Variants in LIMS1 observed in about 807,000 individuals in gnomAD.
LIMS1 encodes the protein LIM and senescent cell antigen-like-containing domain protein 1.
In LIMS1, 18 loss-of-function variants were observed where a neutral mutation model predicts 44.1. The observed-to-expected ratio is 0.41, with a 90% confidence interval of 0.28 to 0.61. LIMS1 has a LOEUF of 0.61. Among genes scored for constraint, LIMS1 ranks in the 20% least tolerant of loss-of-function variants. LIMS1 has a pLI of 0.32. For missense variants in LIMS1, 201 were observed against 422.0 expected (o/e 0.48, Z 4.59); for synonymous variants, 93 against 149.1 (o/e 0.62, Z 2.74).
intron 1 of LIMS1, among the ~76,000 whole-genome samples, chr2:108,589,196 C>A (rs1228559975): frequency 2.0e-5 from 3 of 151,116 alleles, no homozygotes; most frequent in Non-Finnish European, 3.0e-5. Context: ...AAAAAAAAAA[C>A]TGGTCATTTT....
chr2:108,583,851 C>T (rs562425686), intron 1 of LIMS1, among the ~76,000 whole-genome samples: 4 of 152,064 alleles, frequency 2.6e-5, no homozygotes, highest in East Asian at 1.9e-4. Flanking sequence ...CCCACCACCA[C>T]GCCTGGCTAA....
chr2:108,653,155 A>G (rs1467813373), intron 1 of LIMS1, among the ~76,000 whole-genome samples: 1 of 150,776 alleles, frequency 6.6e-6, no homozygotes. Flanking sequence ...TCTGGTACCC[A>G]CTCCCTCATC....
In LIMS1 at chr2:108,563,761, A is replaced by G. The variant is rs187095569; in HGVS notation, c.32+29167A>G. ...GCAGGGTTTGAGAGAATTGACTTCA[A>G]TTTCGAATGTTCTAGTGGCCAGGCG... On this transcript the variant is annotated intron_variant, in intron 1 of 9. Coordinates refer to ENST00000544547, the Ensembl canonical transcript of LIMS1. Among the ~76,000 whole-genome samples, 10 of 152,288 alleles carry G rather than the reference A, an allele frequency of 6.6e-5. No individual in the cohort carries two copies. The East Asian group carries it at 1.9e-3, about 29-fold the overall frequency.
chr2:108,568,185 A>G (rs1685360597), intron 1 of LIMS1, among the ~76,000 whole-genome samples: 1 of 152,236 alleles, frequency 6.6e-6, no homozygotes, highest in Non-Finnish European at 1.5e-5. Context: ...AATTGGTTTC[A>G]TTATATGTCC....
chr2:108,541,603 A>T (rs1428438852), intron 1 of LIMS1, among the ~76,000 whole-genome samples: 1 of 152,212 alleles, frequency 6.6e-6, no homozygotes, highest in Admixed American at 6.5e-5. Context: ...CTGGAATTTA[A>T]GGCTGTTTGT....
chr2:108,575,018 TA>T (rs559425100), intron 1 of LIMS1, among the ~76,000 whole-genome samples: 225 of 152,336 alleles, frequency 1.5e-3, no homozygotes, highest in Admixed American at 3.3e-3. Context: ...GGTTGAAATT[TA>T]ATAATTCATA....
intron 1 of LIMS1, among the ~76,000 whole-genome samples, chr2:108,565,360 C>G (rs1156682209): frequency 1.3e-5 from 2 of 152,128 alleles, no homozygotes; most frequent in Non-Finnish European, 2.9e-5. Flanking sequence ...ATAATTTAGT[C>G]GTCTACTAAT....
chr2:108,556,438 T>A (rs1242275647), intron 1 of LIMS1, among the ~76,000 whole-genome samples: 9 of 152,218 alleles, frequency 5.9e-5, no homozygotes, highest in Admixed American at 5.9e-4. Context: ...CAAATATCTG[T>A]TTGAGTCCCT....
At chr2:108,684,155 A>G (rs953971005) in exon 10 of LIMS1, 21 of 435,818 alleles carry the variant, frequency 4.8e-5, no homozygotes, top group Middle Eastern at 6.1e-4. Context: ...AGAAAAATTC[A>G]TATAATCGTG....
intron 2 of LIMS1, among the ~76,000 whole-genome samples, chr2:108,661,896 C>G (rs1319920000): frequency 1.3e-5 from 2 of 151,968 alleles, no homozygotes; most frequent in Non-Finnish European, 2.9e-5. Flanking sequence ...TTTTTTCTCT[C>G]CTGTAGTCCA....
At chr2:108,683,563 A>G (rs1230455806) in intron 9 of LIMS1, among the ~76,000 whole-genome samples, 1 of 144,930 alleles carries the variant, frequency 6.9e-6, no homozygotes, top group Non-Finnish European at 1.5e-5. Context: ...AAAAAAAGTG[A>G]TTGACTGTAC....
chr2:108,556,924 TAGA>T (rs1419497734), intron 1 of LIMS1, among the ~76,000 whole-genome samples: 2 of 152,240 alleles, frequency 1.3e-5, no homozygotes, highest in African/African-American at 4.8e-5. Flanking sequence ...ACAAAGGCTG[TAGA>T]AGCTCAGGGC....
At chr2:108,637,580 G>A (rs1429450339) in intron 1 of LIMS1, among the ~76,000 whole-genome samples, 1 of 152,154 alleles carries the variant, frequency 6.6e-6, no homozygotes, top group Non-Finnish European at 1.5e-5. Flanking sequence ...CTGGTGATCT[G>A]GGCGTTCTCC....
At chr2:108,654,967 A>G (rs1690749486) in intron 1 of LIMS1, 1 of 1,505,134 alleles carries the variant, frequency 6.6e-7, no homozygotes, top group East Asian at 2.4e-5. Context: ...GTGCGTGGGA[A>G]CAGTGGGAGT....
intron 5 of LIMS1, among the ~76,000 whole-genome samples, chr2:108,675,476 G>T (rs1383795762): frequency 6.6e-6 from 1 of 152,096 alleles, no homozygotes; most frequent in Non-Finnish European, 1.5e-5. Flanking sequence ...CCTCAGAATT[G>T]GGGATCATGA....
chr2:108,542,363 G>A (rs1684342456), intron 1 of LIMS1, among the ~76,000 whole-genome samples: 1 of 152,172 alleles, frequency 6.6e-6, no homozygotes, highest in Non-Finnish European at 1.5e-5. Context: ...TAAGGATATT[G>A]TTTTATATAA....
chr2:108,553,739 G>A (rs148512217), intron 1 of LIMS1, among the ~76,000 whole-genome samples: 38 of 152,238 alleles, frequency 2.5e-4, no homozygotes, highest in African/African-American at 7.5e-4. Context: ...GCTTCAGGCC[G>A]TACACCCCCA....
At chr2:108,638,026 T>A (rs1689398937) in intron 1 of LIMS1, among the ~76,000 whole-genome samples, 1 of 152,168 alleles carries the variant, frequency 6.6e-6, no homozygotes, top group South Asian at 2.1e-4. Flanking sequence ...CTAATTTTTC[T>A]ATAGAGATGG....
intron 1 of LIMS1, among the ~76,000 whole-genome samples, chr2:108,576,055 CAG>C (rs1348748005): frequency 1.3e-5 from 2 of 152,220 alleles, no homozygotes; most frequent in African/African-American, 4.8e-5. Flanking sequence ...GAAGTAGTGA[CAG>C]AGACTTAGCA....
Sources: allele counts gnomAD v4.1 joint callset (sites outside exome capture counted in the v4.1 genomes callset), GRCh38; gene constraint gnomAD v4.1.1; transcripts MANE v1.5; gene names NCBI Gene and HGNC (gene_info 2026-07-23, HGNC 2026-07-21).